The following GRM4 variants were observed in gnomAD, a reference collection of about 807,000 sequenced individuals.
The protein encoded by GRM4 is glutamate metabotropic receptor 4.
Under a neutral mutation model 81.7 loss-of-function variants are expected in GRM4, and 28 were observed. That is an observed-to-expected ratio of 0.34 (90% CI 0.25 to 0.47). GRM4 has a LOEUF of 0.47. Among genes scored for constraint, GRM4 ranks in the 20% least tolerant of loss-of-function variants. The probability of loss-of-function intolerance (pLI) is 1.00; values close to 1 mark genes in which losing one functional copy is unlikely to be tolerated. For missense variants in GRM4, 948 were observed against 1,290.0 expected (o/e 0.73, Z 4.06); for synonymous variants, 488 against 528.8 (o/e 0.92, Z 1.06).
At chr6:34,060,890 C>T (rs966430871) in intron 4 of GRM4, 3 of 152,328 alleles carry the variant, frequency 2.0e-5, no homozygotes, top group Admixed American at 2.0e-4. Flanking sequence ...GCAGTTTGTC[C>T]TTTTGGCTTT....
At chr6:34,088,031 G>A (rs1034875709) in intron 3 of GRM4, among the ~76,000 whole-genome samples, 1 of 152,070 alleles carries the variant, frequency 6.6e-6, no homozygotes, top group Admixed American at 6.6e-5. Flanking sequence ...GACTAGCCAG[G>A]CCCCAGGTAG....
chr6:34,050,433 T>C lies in GRM4; in HGVS notation c.1168+6111A>G, dbSNP rs1765561602. Among the ~76,000 whole-genome samples, 5 of 152,266 alleles carry C rather than the reference T, an allele frequency of 3.3e-5. No individual in the cohort carries two copies. The South Asian group carries it at 1.0e-3, about 32-fold the overall frequency. On this transcript the variant is annotated intron_variant, in intron 6 of 10. Coordinates refer to ENST00000538487, the MANE Select transcript of GRM4 (RefSeq NM_000841.4). ...CATGGTAATGAGTGAGTTCTCACTC[T>C]ATTAGTTACAAGATTTGATTGTTAA...
rs376441438 is a variant in GRM4 at position 34,061,954 on chromosome 6, G to A, written c.811C>T (p.Arg271Cys). ...KAGEFDKIIR[R>C]LLETSNARAV... ...CTGGCGTTCGAAGTCTCCAGGAGGC[G>A]GCGGATGATCTTGTCGAACTCGCCT... is the stretch of plus-strand genomic sequence containing the variant. The change falls in exon 4 of 11, where the codon CGC becomes TGC. Residue 271 changes from arginine (R) to cysteine (C), a missense_variant. Arg to Cys is a radical substitution (Grantham distance 180, BLOSUM62 -3). Coordinates refer to ENST00000538487, the MANE Select transcript of GRM4 (RefSeq NM_000841.4). 2.6e-5 allele frequency: 42 copies of A among 1,613,848 alleles called. No individual in the cohort carries two copies. Among genetic ancestry groups the A allele is most frequent in the East Asian group, 1.8e-4 (8 of 44,898 alleles).
At chr6:34,052,656 G>C (rs772943225) in intron 6 of GRM4, among the ~76,000 whole-genome samples, 8 of 152,200 alleles carry the variant, frequency 5.3e-5, no homozygotes, top group Non-Finnish European at 7.3e-5. Context: ...GGGGAAGCTA[G>C]ACTCTGGAGA....
At position 34,152,099 on chromosome 6, in the gene GRM4, G is replaced by C. The variant is rs916187387; in HGVS notation, c.312+2980C>G. On this transcript the variant is annotated intron_variant, in intron 1 of 8. Coordinates refer to the GRM4 transcript ENST00000374177. The surrounding 1 kb of genome is among the most constrained non-coding windows in gnomAD (Gnocchi z 4.1). ...AGCTCGTTAACTGATCGGCAGTTGA[G>C]AATACCAGGTGGGCCCCTCTGTCAA... Among the ~76,000 whole-genome samples, 2 of 152,152 alleles carry C rather than the reference G, an allele frequency of 1.3e-5. No homozygotes were observed. The highest frequency in any genetic ancestry group is 2.9e-5 in the Non-Finnish European group (2 of 68,036).
intron 2 of GRM4, among the ~76,000 whole-genome samples, chr6:34,124,773 CA>C (rs1457766215): frequency 4.6e-5 from 7 of 152,146 alleles, no homozygotes; most frequent in African/African-American, 1.4e-4. Flanking sequence ...TGACTCTTTA[CA>C]GATGGACAAA....
At position 34,064,021 on chromosome 6, in the gene GRM4, G is replaced by A. The variant is rs1766313071; in HGVS notation, c.737-1993C>T. On this transcript the variant is annotated intron_variant, in intron 3 of 10. Coordinates refer to ENST00000538487, the MANE Select transcript of GRM4 (RefSeq NM_000841.4). This position sits in a 1 kb window ranked among gnomAD's most constrained non-coding sequence, Gnocchi z 4.4. ...CTCCTCTAAGAGGATCCGCGTGATG[G>A]TCTTGCCTGGCACCTCAGGGCATAT... 6.6e-6 allele frequency among the ~76,000 whole-genome samples: 1 copy of A among 152,184 alleles called. No individual in the cohort carries two copies. The highest frequency in any genetic ancestry group is 2.4e-5 in the African/African-American group (1 of 41,430).
rs146490889 is a variant in GRM4 at position 34,113,455 on chromosome 6, T to C, written c.519+19523A>G. On this transcript the variant is annotated intron_variant, in intron 2 of 10. Coordinates refer to ENST00000538487, the MANE Select transcript of GRM4 (RefSeq NM_000841.4). ...CTGGCCACGTTCTCCCATTTAAACC[T>C]AACGTCTACCCAGGTAGGGAGATAT... Among the ~76,000 whole-genome samples the C allele has an allele frequency of 2.1e-3, 319 of 152,368 alleles. 1 individual carries two copies. Among genetic ancestry groups the C allele is most frequent in the African/African-American group, 7.3e-3 (302 of 41,582 alleles).
At chr6:34,122,183 G>C (rs1264290762) in intron 2 of GRM4, among the ~76,000 whole-genome samples, 1 of 152,076 alleles carries the variant, frequency 6.6e-6, no homozygotes, top group African/African-American at 2.4e-5. Flanking sequence ...CACCCAAACA[G>C]AGAGGGAGCC....
rs1219847688 is a variant in GRM4 at position 34,047,091 on chromosome 6, G to A, written c.1169-6343C>T. Among the ~76,000 whole-genome samples the A allele has an allele frequency of 2.0e-5, 3 of 152,166 alleles. No individual in the cohort carries two copies. The highest frequency in any genetic ancestry group is 2.1e-4 in the South Asian group (1 of 4,826). ...CCTCAGTCTCCCAAGTGTGAATTCC[G>A]GATAGTAAGACTTACTTCGAGGGGC... On this transcript the variant is annotated intron_variant, in intron 6 of 10. Transcript: ENST00000538487. The surrounding 1 kb of genome is among the most constrained non-coding windows in gnomAD (Gnocchi z 4.5).
intron 3 of GRM4, among the ~76,000 whole-genome samples, chr6:34,079,375 T>G (rs1767471170): frequency 6.6e-6 from 1 of 152,100 alleles, no homozygotes. Flanking sequence ...CTGCCTGGCC[T>G]TCCCATCCCT....
chr6:34,136,974 C>T lies in GRM4; in HGVS notation c.-363-3115G>A, dbSNP rs948329523. Reference sequence around the variant, plus strand: ...GTGGGGGCCAGGCGGATGCTCCCTTCCCCCGCAGGGCCTGCTTCCTTCTGC... The same window carrying T: ...GTGGGGGCCAGGCGGATGCTCCCTTTCCCCGCAGGGCCTGCTTCCTTCTGC... On this transcript the variant is annotated intron_variant, in intron 1 of 10. Transcript: ENST00000538487. This position sits in a 1 kb window ranked among gnomAD's most constrained non-coding sequence, Gnocchi z 4.1. Among the ~76,000 whole-genome samples, 1 of 152,176 alleles carries T rather than the reference C, an allele frequency of 6.6e-6. No homozygotes were observed. The highest frequency in any genetic ancestry group is 1.5e-5 in the Non-Finnish European group (1 of 68,028).
exon 1 of GRM4, chr6:34,155,320 A>C: frequency 1.3e-6 from 2 of 1,521,402 alleles, no homozygotes; most frequent in Non-Finnish European, 1.8e-6. Context: ...TGCGATGCAG[A>C]GGCGTAGAGG....
Position 34,036,674 on chromosome 6 carries a change from G to A in GRM4, c.1507-71C>T, listed in dbSNP as rs1382892659. The A allele has an allele frequency of 5.9e-6, 5 of 840,546 alleles. No individual in the cohort carries two copies. The highest frequency in any genetic ancestry group is 9.3e-6 in the Non-Finnish European group (5 of 538,944). The allele number at this position is 840,546 out of a possible 1,614,324, so 52.1% of individuals were successfully genotyped here. On this transcript the variant is annotated intron_variant, in intron 8 of 10. Coordinates refer to ENST00000538487, the MANE Select transcript of GRM4 (RefSeq NM_000841.4). The surrounding 1 kb of genome is among the most constrained non-coding windows in gnomAD (Gnocchi z 9.0). ...GGTGCCCCGGACCATCCTACTGGGTGGTGGCACCTTGTAGCCCCACACTCA... is the reference window on the plus strand; with the variant it reads ...GGTGCCCCGGACCATCCTACTGGGTAGTGGCACCTTGTAGCCCCACACTCA...
chr6:34,114,177 C>T lies in GRM4; in HGVS notation c.519+18801G>A, dbSNP rs1254937205. 1.3e-5 allele frequency among the ~76,000 whole-genome samples: 2 copies of T among 152,306 alleles called. No individual in the cohort carries two copies. The highest frequency in any genetic ancestry group is 2.9e-5 in the Non-Finnish European group (2 of 68,012). ...GCAGGTCCCCTCCACAGCACCTGTCCCCACTCATGTAAGTGATTACATCAT... is the reference window on the plus strand; with the variant it reads ...GCAGGTCCCCTCCACAGCACCTGTCTCCACTCATGTAAGTGATTACATCAT... On this transcript the variant is annotated intron_variant, in intron 2 of 10. Coordinates refer to ENST00000538487, the MANE Select transcript of GRM4 (RefSeq NM_000841.4). This position sits in a 1 kb window ranked among gnomAD's most constrained non-coding sequence, Gnocchi z 4.3.
At chr6:34,143,583 G>A (rs1417082813) in intron 1 of GRM4, among the ~76,000 whole-genome samples, 2 of 152,198 alleles carry the variant, frequency 1.3e-5, no homozygotes, top group African/African-American at 2.4e-5. Flanking sequence ...ACCCTAGGCC[G>A]GAAGGCCCTG....
chr6:34,120,212 C>A (rs1028735597), intron 2 of GRM4, among the ~76,000 whole-genome samples: 1 of 150,350 alleles, frequency 6.7e-6, no homozygotes, highest in East Asian at 2.0e-4. Flanking sequence ...AGAGAGAAAC[C>A]CATCTTTGAA....
At chr6:34,063,890 G>A (rs1425045326) in intron 3 of GRM4, among the ~76,000 whole-genome samples, 1 of 152,220 alleles carries the variant, frequency 6.6e-6, no homozygotes, top group Non-Finnish European at 1.5e-5. Flanking sequence ...AGAGGGAAGG[G>A]AAGGATGAGC....
In GRM4 at chr6:34,022,780, G is replaced by C. The variant is rs139823405; in HGVS notation, c.*41C>G. On this transcript the variant is annotated 3_prime_UTR_variant, in exon 11 of 11. Transcript: ENST00000538487. The surrounding 1 kb of genome is among the most constrained non-coding windows in gnomAD (Gnocchi z 5.6). ...CCCTGGCCCGACGCACCTTCCACAG[G>C]GTCACGGCTCCTCCTCCTGCTGCTC... The C allele has an allele frequency of 4.4e-4, 701 of 1,578,792 alleles. 9 individuals carry two copies. In the East Asian group the frequency reaches 0.012, roughly 26 times the overall value.
Sources: gnomAD v4.1 joint callset for allele counts (sites outside exome capture counted in the v4.1 genomes callset) on GRCh38, gnomAD v4.1.1 for gene constraint, Gnocchi (gnomAD v3.1) non-coding constraint, MANE v1.5 for transcripts, NCBI Gene and HGNC (gene_info 2026-07-23, HGNC 2026-07-21) for gene names.